Variants in TRPM3 observed in about 807,000 individuals in gnomAD.
TRPM3 encodes the protein long transient receptor potential channel 3.
In TRPM3, 77 loss-of-function variants were observed where a neutral mutation model predicts 181.2. That is an observed-to-expected ratio of 0.42 (90% CI 0.35 to 0.51). TRPM3 has a LOEUF of 0.51. Among genes scored for constraint, TRPM3 ranks in the 20% least tolerant of loss-of-function variants. The pLI, the probability that TRPM3 is intolerant of heterozygous loss-of-function variation, is 0.01. For synonymous variants in TRPM3, 745 were observed against 796.4 expected, an observed-to-expected ratio of 0.94 and a Z score of 1.09; for missense variants, 1,759 against 2,196.7, an observed-to-expected ratio of 0.80 and a Z score of 3.98.
At chr9:70,543,321 A>T (rs2131688544) in intron 25 of TRPM3, among the ~76,000 whole-genome samples, 1 of 152,340 alleles carries the variant, frequency 6.6e-6, no homozygotes, top group South Asian at 2.1e-4. Context: ...CTATCCTCTC[A>T]ATCATTTATC....
intron 6 of TRPM3, among the ~76,000 whole-genome samples, chr9:70,815,457 T>C (rs1020592395): frequency 1.3e-5 from 2 of 152,224 alleles, no homozygotes; most frequent in Non-Finnish European, 2.9e-5. Flanking sequence ...GACTGCGCTA[T>C]TTATGCACCC....
chr9:71,069,756 A>G (rs1021740296), intron 1 of TRPM3, among the ~76,000 whole-genome samples: 2 of 151,842 alleles, frequency 1.3e-5, no homozygotes, highest in African/African-American at 4.8e-5. Context: ...TTACAGGTAC[A>G]CACCACCACA....
intron 1 of TRPM3, among the ~76,000 whole-genome samples, chr9:71,159,870 T>A (rs1247083096): frequency 6.6e-6 from 1 of 152,148 alleles, no homozygotes; most frequent in Non-Finnish European, 1.5e-5. Flanking sequence ...ACAGCCCTTC[T>A]AAGGAAAACA....
rs75114175 is a variant in TRPM3 at position 70,954,761 on chromosome 9, C to T, written c.178-90250G>A. Among the ~76,000 whole-genome samples, 174 of 152,292 alleles carry T rather than the reference C, an allele frequency of 1.1e-3. 1 individual carries two copies. The highest frequency in any genetic ancestry group is 1.8e-3 in the Non-Finnish European group (121 of 68,028). On this transcript the variant is annotated intron_variant, in intron 1 of 25. Coordinates refer to ENST00000677713, the MANE Select transcript of TRPM3 (RefSeq NM_001366145.2). ...GAAGAGCAACACTGCACCAGCTTGT[C>T]TGCTGTCAACTGCACATCACCATAC...
At chr9:71,283,950 C>T (rs1268326796) in intron 1 of TRPM3, among the ~76,000 whole-genome samples, 3 of 152,140 alleles carry the variant, frequency 2.0e-5, no homozygotes, top group African/African-American at 4.8e-5. Context: ...CACTTCCTAC[C>T]GCCAGTGGGT....
chr9:71,116,006 G>A (rs912715912), intron 1 of TRPM3, among the ~76,000 whole-genome samples: 2 of 151,994 alleles, frequency 1.3e-5, no homozygotes, highest in Non-Finnish European at 2.9e-5. Context: ...TTTTTCTTAA[G>A]GAAATCTGAG....
intron 18 of TRPM3, 34 bp from the exon 19 acceptor site, chr9:70,610,783 G>T (rs1273152026): frequency 1.2e-6 from 2 of 1,610,508 alleles, no homozygotes; most frequent in South Asian, 2.2e-5. Flanking sequence ...CATCATGACA[G>T]GGCTCTGGAG....
chr9:71,018,557 A>G (rs2097806536), intron 1 of TRPM3, among the ~76,000 whole-genome samples: 1 of 151,792 alleles, frequency 6.6e-6, no homozygotes, highest in Admixed American at 6.6e-5. Context: ...TTAAAAACTC[A>G]GATGCAAAGG....
chr9:70,751,334 A>G (rs1158335851), intron 8 of TRPM3, among the ~76,000 whole-genome samples: 1 of 152,172 alleles, frequency 6.6e-6, no homozygotes, highest in Non-Finnish European at 1.5e-5. Context: ...AGGAATAAAC[A>G]AAGTCTCTGA....
In TRPM3 at chr9:71,007,039, C is replaced by CAAAAAAAAAAAAAAAA; in HGVS notation, c.177+114123_177+114138dup. 1.6e-3 allele frequency among the ~76,000 whole-genome samples: 46 copies of CAAAAAAAAAAAAAAAA among 27,978 alleles called. 1 individual carries two copies. Among genetic ancestry groups the CAAAAAAAAAAAAAAAA allele is most frequent in the East Asian group, 5.7e-3 (4 of 698 alleles). 18.4% of individuals were successfully genotyped at this position (27,978 alleles called of 152,430 possible). A position where few individuals can be genotyped will look rare whatever the true frequency, so the allele number is the denominator to read the frequency against. ...AGGCAACAAGAGCGAAACTCCATCT[C>CAAAAAAAAAAAAAAAA]AAAAAAAAAAAAAAAAAAAAAAAAG... On this transcript the variant is annotated intron_variant, in intron 1 of 25. Coordinates refer to ENST00000677713, the MANE Select transcript of TRPM3 (RefSeq NM_001366145.2).
intron 22 of TRPM3, among the ~76,000 whole-genome samples, chr9:70,568,685 A>C (rs1265873813): frequency 6.6e-6 from 1 of 152,250 alleles, no homozygotes; most frequent in African/African-American, 2.4e-5. Flanking sequence ...ACAGCTAGCA[A>C]GAGGCAAAGC....
intron 12 of TRPM3, among the ~76,000 whole-genome samples, chr9:70,629,171 T>C (rs900070268): frequency 8.3e-6 from 1 of 121,206 alleles, no homozygotes; most frequent in African/African-American, 3.1e-5. Flanking sequence ...ATGATTTATG[T>C]TTGGTCAGCC....
chr9:70,595,201 T>C (rs1035803202), intron 21 of TRPM3, among the ~76,000 whole-genome samples: 1 of 152,222 alleles, frequency 6.6e-6, no homozygotes, highest in South Asian at 2.1e-4. Flanking sequence ...ATTCCAAGTA[T>C]ATAAATGCTA....
intron 9 of TRPM3, among the ~76,000 whole-genome samples, chr9:70,661,941 CA>C (rs2061194555): frequency 6.6e-6 from 1 of 151,944 alleles, no homozygotes. Context: ...CATATGGAAG[CA>C]AAAAAGATCC....
rs374847482 is a variant in TRPM3 at position 70,737,926 on chromosome 9, T to C, written c.1272+23675A>G. Among the ~76,000 whole-genome samples the C allele has an allele frequency of 1.4e-3, 214 of 152,170 alleles. 3 individuals carry two copies. The South Asian group carries it at 0.019, about 14-fold the overall frequency. ...ATAGACAGCAACACAATAATAGTGA[T>C]GGACATTAATGCTCCACTGACAGCA... On this transcript the variant is annotated intron_variant, in intron 8 of 25. Coordinates refer to ENST00000677713, the MANE Select transcript of TRPM3 (RefSeq NM_001366145.2).
intron 1 of TRPM3, among the ~76,000 whole-genome samples, chr9:71,401,129 C>T (rs1157124238): frequency 1.4e-5 from 2 of 138,744 alleles, no homozygotes; most frequent in Non-Finnish European, 3.0e-5. Flanking sequence ...ACCTGGGAGA[C>T]AGAGGTTGCA....
intron 1 of TRPM3, among the ~76,000 whole-genome samples, chr9:71,274,940 T>C (rs73647996): frequency 0.015 from 2,241 of 152,264 alleles, 65 homozygotes; most frequent in African/African-American, 0.051. Context: ...ATTCTCAACA[T>C]TGAAATGCTT....
At chr9:71,414,688 T>C (rs2093610946) in intron 1 of TRPM3, among the ~76,000 whole-genome samples, 1 of 152,076 alleles carries the variant, frequency 6.6e-6, no homozygotes, top group South Asian at 2.1e-4. Flanking sequence ...AAATCTCTAC[T>C]AGCTTACTGG....
rs144525521 is a variant in TRPM3 at position 70,567,380 on chromosome 9, GTGCACA to G, written c.3224-14076_3224-14071del. The stretch of plus-strand genomic sequence containing the variant: ...GTATTTTTCTTTTATGCCTGGAATT[GTGCACA>G]TGCACATACACAGCAAAGATCAACT... On this transcript the variant is annotated intron_variant, in intron 22 of 25. Coordinates refer to ENST00000677713, the MANE Select transcript of TRPM3 (RefSeq NM_001366145.2). Among the ~76,000 whole-genome samples, 606 of 152,354 alleles carry G rather than the reference GTGCACA, an allele frequency of 4.0e-3. 3 individuals carry two copies. Among genetic ancestry groups the G allele is most frequent in the South Asian group, 0.011 (53 of 4,828 alleles).
Sources: allele counts gnomAD v4.1 joint callset (sites outside exome capture counted in the v4.1 genomes callset), GRCh38; gene constraint gnomAD v4.1.1; transcripts MANE v1.5; gene names NCBI Gene and HGNC (gene_info 2026-07-23, HGNC 2026-07-21).